POT1: variants seen among roughly 807,000 people sequenced by gnomAD.
POT1 encodes the protein protection of telomeres protein 1.
Under a neutral mutation model 78.5 loss-of-function variants are expected in POT1, and 47 were observed. That is an observed-to-expected ratio of 0.60 (90% confidence interval 0.47 to 0.76). The LOEUF (loss-of-function observed/expected upper bound fraction) is 0.76, where lower values mean the gene tolerates loss of function less well. POT1 is among the 30% of genes least tolerant of loss of function. The probability of loss-of-function intolerance (pLI) is 0.00; values close to 1 mark genes in which losing one functional copy is unlikely to be tolerated. For missense variants in POT1, 646 were observed against 749.9 expected (o/e 0.86, Z 1.62); for synonymous variants, 259 against 260.7 (o/e 0.99, Z 0.06).
chr7:124,924,576 C>A (rs1797230037), intron 2 of POT1, among the ~76,000 whole-genome samples: 1 of 151,974 alleles, frequency 6.6e-6, no homozygotes, highest in Admixed American at 6.6e-5. Flanking sequence ...CCACCTGAAA[C>A]TATTCCAAAA....
intron 3 of POT1, among the ~76,000 whole-genome samples, chr7:124,914,990 C>A (rs1349228955): frequency 6.6e-6 from 1 of 152,118 alleles, no homozygotes; most frequent in Non-Finnish European, 1.5e-5. Context: ...CTTGCTTTTT[C>A]TTCAGACCAC....
chr7:124,889,535 G>A (rs924329305), intron 6 of POT1, among the ~76,000 whole-genome samples: 1 of 152,002 alleles, frequency 6.6e-6, no homozygotes, highest in African/African-American at 2.4e-5. Flanking sequence ...GTCTTCTCTT[G>A]GAACAAGGTG....
chr7:124,824,176 T>C, intron 18 of POT1, 102 bp from the exon 19 acceptor site: 1 of 656,460 alleles, frequency 1.5e-6, no homozygotes, highest in South Asian at 2.1e-5. Context: ...AAATTAACAT[T>C]TATTTTGGCT....
At chr7:124,825,197 G>T in intron 18 of POT1, 55 bp downstream of exon 18, 1 of 1,169,840 alleles carries the variant, frequency 8.5e-7, no homozygotes, top group Non-Finnish European at 1.3e-6. Flanking sequence ...GTACATATAT[G>T]TTAGTGCTAT....
chr7:124,907,718 G>A (rs1796799358), intron 3 of POT1, among the ~76,000 whole-genome samples: 2 of 152,076 alleles, frequency 1.3e-5, no homozygotes, highest in South Asian at 2.1e-4. Flanking sequence ...TCTGGTGAGG[G>A]AACACTGATA....
chr7:124,853,895 C>T lies in POT1; in HGVS notation c.703-757G>A, dbSNP rs545474270. Among the ~76,000 whole-genome samples the T allele has an allele frequency of 5.3e-5, 8 of 151,974 alleles. No individual in the cohort carries two copies. The South Asian group carries it at 1.0e-3, about 20-fold the overall frequency. ...TGCTATTCAAAGATATTGACACCTA[C>T]CTAAAAGAAGCTATATAACCTAAAT... is the stretch of plus-strand genomic sequence containing the variant. On this transcript the variant is annotated intron_variant, in intron 9 of 18. Transcript: ENST00000357628.
At chr7:124,878,198 G>T (rs1796035558) in intron 6 of POT1, among the ~76,000 whole-genome samples, 1 of 152,028 alleles carries the variant, frequency 6.6e-6, no homozygotes, top group African/African-American at 2.4e-5. Context: ...CAGGTGTGGT[G>T]GTGCGTGCCT....
chr7:124,865,282 C>T (rs1562994230), intron 7 of POT1, among the ~76,000 whole-genome samples: 1 of 151,940 alleles, frequency 6.6e-6, no homozygotes, highest in Non-Finnish European at 1.5e-5. Flanking sequence ...TCTGGATGTG[C>T]GTTTCTTTGC....
chr7:124,828,023 G>T (rs1431322901), intron 16 of POT1, among the ~76,000 whole-genome samples: 2 of 151,834 alleles, frequency 1.3e-5, no homozygotes, highest in Admixed American at 1.3e-4. Flanking sequence ...ACAGAGTAAG[G>T]CTCTGTCTCA....
chr7:124,870,664 A>G (rs753159472), intron 7 of POT1, among the ~76,000 whole-genome samples: 5 of 152,158 alleles, frequency 3.3e-5, no homozygotes, highest in Non-Finnish European at 2.9e-5. Context: ...AGAAGACAGA[A>G]TGGAACCAGT....
intron 3 of POT1, among the ~76,000 whole-genome samples, chr7:124,909,780 G>C (rs1796848765): frequency 6.6e-6 from 1 of 151,730 alleles, no homozygotes; most frequent in African/African-American, 2.4e-5. Context: ...TAATGTACAT[G>C]TTTTGTAGAT....
chr7:124,906,125 C>T lies in POT1; in HGVS notation c.-153-7751G>A, dbSNP rs142258540. On this transcript the variant is annotated intron_variant, in intron 3 of 18. Coordinates refer to ENST00000357628, the MANE Select transcript of POT1 (RefSeq NM_015450.3). ...ACTAGAAAACACCATTTGACCCAGC[C>T]ATCCCATTACTGGGTATATAGCCAA... Among the ~76,000 whole-genome samples, 375 of 152,142 alleles carry T rather than the reference C, an allele frequency of 2.5e-3. 1 individual carries two copies. The highest frequency in any genetic ancestry group is 8.8e-3 in the African/African-American group (366 of 41,526).
intron 14 of POT1, among the ~76,000 whole-genome samples, chr7:124,838,311 T>G (rs1794943734): frequency 6.6e-6 from 1 of 151,944 alleles, no homozygotes; most frequent in Non-Finnish European, 1.5e-5. Flanking sequence ...ATAGCAACGG[T>G]AGAGGATACA....
At chr7:124,859,181 T>A in intron 8 of POT1, 69 bp from the exon 9 acceptor site, 1 of 1,229,266 alleles carries the variant, frequency 8.1e-7, no homozygotes, top group Non-Finnish European at 1.1e-6. Context: ...AGTTTTTTCC[T>A]GGAAACAGTA....
chr7:124,865,790 T>C (rs1795708451), intron 7 of POT1, among the ~76,000 whole-genome samples: 2 of 152,006 alleles, frequency 1.3e-5, no homozygotes, highest in African/African-American at 4.8e-5. Flanking sequence ...CACTGCAGCC[T>C]TGACCTCCCG....
chr7:124,824,807 A>G (rs1794590168), intron 18 of POT1, among the ~76,000 whole-genome samples: 1 of 152,124 alleles, frequency 6.6e-6, no homozygotes, highest in African/African-American at 2.4e-5. Context: ...TATGCAGAAA[A>G]CAAAGCTCAC....
At chr7:124,906,488 G>A (rs908798179) in intron 3 of POT1, among the ~76,000 whole-genome samples, 28 of 119,068 alleles carry the variant, frequency 2.4e-4, no homozygotes, top group African/African-American at 8.9e-4. Flanking sequence ...GGGGCTTGTC[G>A]TAGGGTGGGG....
intron 2 of POT1, among the ~76,000 whole-genome samples, chr7:124,919,431 C>T (rs567369714): frequency 5.9e-5 from 9 of 152,208 alleles, no homozygotes; most frequent in African/African-American, 2.2e-4. Context: ...ATTGTGTTCT[C>T]CCAAATTACA....
intron 3 of POT1, among the ~76,000 whole-genome samples, chr7:124,913,295 C>T (rs1796935628): frequency 6.6e-6 from 1 of 152,124 alleles, no homozygotes; most frequent in Non-Finnish European, 1.5e-5. Context: ...TACACTAAAT[C>T]AAATCACCTA....
Sources: allele counts gnomAD v4.1 joint callset (sites outside exome capture counted in the v4.1 genomes callset), GRCh38; gene constraint gnomAD v4.1.1; transcripts MANE v1.5; gene names NCBI Gene and HGNC (gene_info 2026-07-23, HGNC 2026-07-21).